The following PREPL variants were observed in gnomAD, a reference collection of about 807,000 sequenced individuals.
The protein encoded by PREPL is prolyl endopeptidase-like.
In PREPL, 77 loss-of-function variants were observed where a neutral mutation model predicts 70.6. That is an observed-to-expected ratio of 1.09 (90% CI 0.91 to 1.32). PREPL has a LOEUF of 1.32. PREPL is among the 40% of genes most tolerant of loss of function. PREPL has a pLI of 0.00. For synonymous variants in PREPL, 315 were observed against 264.8 expected, an observed-to-expected ratio of 1.19 and a Z score of -1.84; for missense variants, 1,002 against 778.2, an observed-to-expected ratio of 1.29 and a Z score of -3.42.
intron 1 of PREPL, among the ~76,000 whole-genome samples, chr2:44,350,046 C>A (rs933499585): frequency 1.3e-5 from 2 of 151,886 alleles, no homozygotes; most frequent in African/African-American, 4.8e-5. Flanking sequence ...TTTCATACGT[C>A]AACTATTTAA....
chr2:44,320,472 A>C lies in PREPL; in HGVS notation c.*884T>G, dbSNP rs750986488. 4 of 1,614,190 alleles carry C rather than the reference A, an allele frequency of 2.5e-6. No homozygotes were observed. The highest frequency in any genetic ancestry group is 3.4e-6 in the Non-Finnish European group (4 of 1,179,986). On this transcript the variant is annotated 3_prime_UTR_variant, in exon 14 of 14. Transcript: ENST00000409411. The stretch of plus-strand genomic sequence containing the variant: ...AAGTACCAATTCTGCCGACAAAGGC[A>C]GTAAAGTTGATACAAGTGGCATTTT...
At chr2:44,331,970 G>A (rs143176001) in intron 8 of PREPL, among the ~76,000 whole-genome samples, 5,464 of 135,736 alleles carry the variant, frequency 0.04, 328 homozygotes, top group African/African-American at 0.14. Flanking sequence ...TTTTTGAGAC[G>A]GAGTCTTGCT....
Position 44,321,816 on chromosome 2 carries a change from T to C in PREPL, c.1827+11A>G. 1 of 1,613,798 alleles carries C rather than the reference T, an allele frequency of 6.2e-7. No individual in the cohort carries two copies. Among genetic ancestry groups the C allele is most frequent in the Non-Finnish European group, 8.5e-7 (1 of 1,179,766 alleles). ...GGGAATCTGTCCACTGAGAGGGCCT[T>C]GATAACATACCTTTTTGTGAGAATC... On this transcript the variant is annotated intron_variant, in intron 13 of 13. Transcript: ENST00000409411.
chr2:44,342,116 T>G (rs1470126734), intron 5 of PREPL, among the ~76,000 whole-genome samples: 1 of 152,132 alleles, frequency 6.6e-6, no homozygotes, highest in African/African-American at 2.4e-5. Flanking sequence ...ACAGACTCAG[T>G]CTGTTCACAA....
chr2:44,359,496 C>A lies in PREPL; in HGVS notation c.-49+1884G>T. ...AATAGGTTAACTTAAACAGTCCATACCTTACATGAGAAGCTCCGACTTGGG... is the reference window on the plus strand; with the variant it reads ...AATAGGTTAACTTAAACAGTCCATAACTTACATGAGAAGCTCCGACTTGGG... On this transcript the variant is annotated intron_variant, in intron 1 of 13. Transcript: ENST00000409411. 6.3e-7 allele frequency: 1 copy of A among 1,598,440 alleles called. No individual in the cohort carries two copies. Among genetic ancestry groups the A allele is most frequent in the Non-Finnish European group, 8.6e-7 (1 of 1,166,686 alleles).
intron 10 of PREPL, 109 bp downstream of exon 10, chr2:44,326,602 TG>T: frequency 8.7e-7 from 1 of 1,146,930 alleles, no homozygotes; most frequent in Non-Finnish European, 1.3e-6. Context: ...CCCGAAGTGC[TG>T]GGATTACAGG....
At position 44,342,457 on chromosome 2, in the gene PREPL, T is replaced by C; in HGVS notation, c.445A>G (p.Asn149Asp). 4 of 1,613,456 alleles carry C rather than the reference T, an allele frequency of 2.5e-6. No individual in the cohort carries two copies. Among genetic ancestry groups the C allele is most frequent in the Non-Finnish European group, 3.4e-6 (4 of 1,179,576 alleles). ...HDVYRATFGD[N>D]KRNERFYTEK... is the part of the protein sequence containing the mutation. ...GTGTAAAAGCGTTCATTACGTTTGTTATCACCAAAAGTGGCTCGATATACG... is the reference window on the plus strand; with the variant it reads ...GTGTAAAAGCGTTCATTACGTTTGTCATCACCAAAAGTGGCTCGATATACG... The change falls in exon 5 of 14, where the codon AAC (asparagine) becomes GAC (aspartate). Residue 149 changes from asparagine (N) to aspartate (D), a missense_variant. Transcript: ENST00000409411.
chr2:44,322,763 GCTTC>G lies in PREPL; in HGVS notation c.1717_1720del (p.Glu573ProfsTer20). 2 of 1,613,850 alleles carry G rather than the reference GCTTC, an allele frequency of 1.2e-6. No individual in the cohort carries two copies. Among genetic ancestry groups the G allele is most frequent in the African/African-American group, 1.3e-5 (1 of 75,004 alleles). On this transcript the variant is annotated frameshift_variant, in exon 12 of 14. Coordinates refer to ENST00000409411, the MANE Select transcript of PREPL (RefSeq NM_001171613.2). LOFTEE classifies it high-confidence loss of function. The stretch of plus-strand genomic sequence containing the variant: ...TGTGTCCTTAGCATGCTCCGCGATG[GCTTC>G]CTTGAGTTTCTCAGTATAACTTACA...
chr2:44,360,708 T>C (rs1677649123), intron 1 of PREPL: 1 of 152,332 alleles, frequency 6.6e-6, no homozygotes, highest in Non-Finnish European at 1.5e-5. Context: ...ATTTACCTTC[T>C]AGGGTTGTTG....
chr2:44,346,128 TTTTAAG>T lies in PREPL; in HGVS notation c.75+134_75+139del, dbSNP rs148666471. On this transcript the variant is annotated intron_variant, in intron 2 of 13. Transcript: ENST00000409411. ...GATCACAATCTCTGAAATCTTTGCT[TTTTAAG>T]TTTTTCAGCATATTTTAAAGGCCAA... 42,894 of 702,676 alleles carry T rather than the reference TTTTAAG, an allele frequency of 0.061. 1,511 individuals carry two copies. The highest frequency in any genetic ancestry group is 0.14 in the South Asian group (6,058 of 44,296). The allele number at this position is 702,676 out of a possible 1,614,324, so 43.5% of individuals were successfully genotyped here. A position where few individuals can be genotyped will look rare whatever the true frequency, so the allele number is the denominator to read the frequency against.
chr2:44,359,631 T>A lies in PREPL; in HGVS notation c.-49+1749A>T, dbSNP rs1211012506. On this transcript the variant is annotated intron_variant, in intron 1 of 13. Transcript: ENST00000409411. Reference sequence around the variant, plus strand: ...CAATGATCAGCGAAGTTATAGTGATTCAAATGCTGTTTCTGCATGCATTTT... The same window carrying A: ...CAATGATCAGCGAAGTTATAGTGATACAAATGCTGTTTCTGCATGCATTTT... 1.2e-6 allele frequency: 2 copies of A among 1,612,126 alleles called. No homozygotes were observed. Among genetic ancestry groups the A allele is most frequent in the Non-Finnish European group, 1.7e-6 (2 of 1,178,146 alleles).
intron 1 of PREPL, among the ~76,000 whole-genome samples, chr2:44,347,971 A>G (rs1376899667): frequency 6.6e-6 from 1 of 152,230 alleles, no homozygotes; most frequent in Non-Finnish European, 1.5e-5. Context: ...TTTGGGACAC[A>G]TTATTATTTG....
intron 7 of PREPL, among the ~76,000 whole-genome samples, chr2:44,334,360 T>C (rs1674421793): frequency 1.3e-5 from 2 of 152,148 alleles, no homozygotes. Context: ...GGCCTGAATA[T>C]GCAGACTCCT....
chr2:44,329,044 G>A lies in PREPL; in HGVS notation c.1155C>T (p.Leu385=). ...TDSEDLQKKP[L]LVHVYGAYGM... is the part of the protein sequence containing the mutation. ...CATAAGCTCCATATACATGTACCAA[G>A]AGAGGTTTCTTCTGCAAGTCCTCAG... Residue 385 remains leucine (L), a synonymous_variant, in exon 9 of 14, where the codon CTC becomes CTT. Transcript: ENST00000409411. 1 of 1,613,092 alleles carries A rather than the reference G, an allele frequency of 6.2e-7. No homozygotes were observed. Among genetic ancestry groups the A allele is most frequent in the East Asian group, 2.2e-5 (1 of 44,874 alleles).
chr2:44,344,508 A>C lies in PREPL; in HGVS notation c.142+12T>G, dbSNP rs1035383845. On this transcript the variant is annotated intron_variant, in intron 3 of 13. Transcript: ENST00000409411. ...AAAATTAGAGCACGTAAAAAGAAAA[A>C]TTGTGGTGTACCTTCTTCATCTTTG... is the stretch of plus-strand genomic sequence containing the variant. 3 of 1,550,204 alleles carry C rather than the reference A, an allele frequency of 1.9e-6. No individual in the cohort carries two copies. The highest frequency in any genetic ancestry group is 2.6e-6 in the Non-Finnish European group (3 of 1,149,826).
At chr2:44,357,609 C>T (rs184221931) in intron 1 of PREPL, among the ~76,000 whole-genome samples, 87 of 152,184 alleles carry the variant, frequency 5.7e-4, no homozygotes, top group African/African-American at 1.8e-3. Flanking sequence ...TAAAAGAGAA[C>T]GGAAAAGTTG....
At position 44,322,962 on chromosome 2, in the gene PREPL, A is replaced by T; in HGVS notation, c.1630-108T>A. On this transcript the variant is annotated intron_variant, in intron 11 of 13. Transcript: ENST00000409411. Reference sequence around the variant, plus strand: ...TCCAATTTTTCCCTGTAAGTGCTCTATGCTTTTTCTCACTTGCTATCTTGA... The same window carrying T: ...TCCAATTTTTCCCTGTAAGTGCTCTTTGCTTTTTCTCACTTGCTATCTTGA... 2.1e-6 allele frequency: 3 copies of T among 1,420,856 alleles called. No homozygotes were observed. In the Admixed American group the frequency reaches 6.6e-5, roughly 31 times the overall value. The allele number at this position is 1,420,856 out of a possible 1,614,324, so 88.0% of individuals were successfully genotyped here.
chr2:44,326,907 G>T lies in PREPL; in HGVS notation c.1284C>A (p.Leu428=), dbSNP rs763321290. The T allele has an allele frequency of 1.9e-6, 3 of 1,614,112 alleles. No individual in the cohort carries two copies. In the East Asian group the frequency reaches 6.7e-5, roughly 36 times the overall value. ...TTAGGCGGCCATCAGCGTGCCACTGGAGGCCTAACTCACCACCACCTCTGA... is the reference window on the plus strand; with the variant it reads ...TTAGGCGGCCATCAGCGTGCCACTGTAGGCCTAACTCACCACCACCTCTGA... ...CHVRGGGELG[L]QWHADGRLTK... The change falls in exon 10 of 14, where the codon CTC becomes CTA. Residue 428 remains leucine (L), a synonymous_variant. Coordinates refer to ENST00000409411, the MANE Select transcript of PREPL (RefSeq NM_001171613.2).
At chr2:44,338,814 G>A (rs1294804701) in intron 6 of PREPL, among the ~76,000 whole-genome samples, 1 of 152,180 alleles carries the variant, frequency 6.6e-6, no homozygotes, top group African/African-American at 2.4e-5. Context: ...ACATCAGTGA[G>A]CTTAGCTGAT....
Sources: allele counts gnomAD v4.1 joint callset (sites outside exome capture counted in the v4.1 genomes callset), GRCh38; gene constraint gnomAD v4.1.1; transcripts MANE v1.5; gene names NCBI Gene and HGNC (gene_info 2026-07-23, HGNC 2026-07-21).